The following SLC52A3 variants were observed in gnomAD, a reference collection of about 807,000 sequenced individuals.
SLC52A3 encodes solute carrier family 52, riboflavin transporter, member 3.
A neutral mutation model predicts 29.5 loss-of-function variants in SLC52A3; 20 were observed. The observed-to-expected ratio is 0.68, with a 90% confidence interval of 0.48 to 0.99. The LOEUF is 0.99. Ranked by LOEUF, SLC52A3 falls within the 50% of genes least tolerant of loss-of-function variation. The pLI is 0.00. For synonymous variants in SLC52A3, 301 were observed against 271.0 expected, an observed-to-expected ratio of 1.11 and a Z score of -1.09; for missense variants, 548 against 612.9, an observed-to-expected ratio of 0.89 and a Z score of 1.12.
upstream of SLC52A3, among the ~76,000 whole-genome samples, chr20:777,508 C>T (rs1987094014): frequency 6.6e-6 from 1 of 152,144 alleles, no homozygotes; most frequent in Admixed American, 6.5e-5. Flanking sequence ...AGTGCAGGGC[C>T]AGGATGTGAA....
In SLC52A3 at chr20:760,210, G is replaced by C. The variant is rs1234212892; in HGVS notation, c.*816C>G. 1 of 152,150 alleles carries C rather than the reference G, an allele frequency of 6.6e-6. No homozygotes were observed. The highest frequency in any genetic ancestry group is 1.9e-4 in the East Asian group (1 of 5,186). The allele number at this position is 152,150 out of a possible 1,614,324, so 9.4% of individuals were successfully genotyped here. On this transcript the variant is annotated 3_prime_UTR_variant, in exon 5 of 5. Coordinates refer to ENST00000645534, the MANE Select transcript of SLC52A3 (RefSeq NM_033409.4). The surrounding 1 kb of genome is among the most constrained non-coding windows in gnomAD (Gnocchi z 4.9). Reference sequence around the variant, plus strand: ...GCATGTCTGGTCCCCAACCTGGTCGGGGAGTTCACTTTCAGAGGCTCAGGG... The same window carrying C: ...GCATGTCTGGTCCCCAACCTGGTCGCGGAGTTCACTTTCAGAGGCTCAGGG...
At chr20:778,339 G>C (rs636042), upstream of SLC52A3, among the ~76,000 whole-genome samples, 142,556 of 152,172 alleles carry the variant, frequency 0.94, 67,001 homozygotes, top group Non-Finnish European at 0.98. Flanking sequence ...ATCTGCACAG[G>C]AAGACAACCA....
rs562223377 is a variant in SLC52A3 at position 767,557 on chromosome 20, G to A, written c.-52+740C>T. On this transcript the variant is annotated intron_variant, in intron 1 of 4. Coordinates refer to ENST00000645534, the MANE Select transcript of SLC52A3 (RefSeq NM_033409.4). ...TTTTTATTAGAGATGGGGTTTCTCC[G>A]TGTTAGCCAGGATGGTCTCAATCTC... is the stretch of plus-strand genomic sequence containing the variant. 3.9e-5 allele frequency among the ~76,000 whole-genome samples: 6 copies of A among 152,082 alleles called. 1 individual carries two copies. The South Asian group carries it at 8.3e-4, about 21-fold the overall frequency.
In SLC52A3 at chr20:760,263, A is replaced by T. The variant is rs1260981362; in HGVS notation, c.*763T>A. 6.6e-6 allele frequency: 1 copy of T among 152,084 alleles called. No homozygotes were observed. The highest frequency in any genetic ancestry group is 1.5e-5 in the Non-Finnish European group (1 of 68,076). 9.4% of individuals were successfully genotyped at this position (152,084 alleles called of 1,614,324 possible). On this transcript the variant is annotated 3_prime_UTR_variant, in exon 5 of 5. Transcript: ENST00000645534. The surrounding 1 kb of genome is among the most constrained non-coding windows in gnomAD (Gnocchi z 4.9). The stretch of plus-strand genomic sequence containing the variant: ...GGGCCTTCCCCAGCCCCACCAGCAA[A>T]TCATCTCTCCCGGCTTCCAGGAGGG...
At chr20:776,725 AG>A (rs1987043392), upstream of SLC52A3, among the ~76,000 whole-genome samples, 1 of 151,904 alleles carries the variant, frequency 6.6e-6, no homozygotes, top group African/African-American at 2.4e-5. Flanking sequence ...CTTGTAGGTG[AG>A]GGGTTTTTCA....
rs576425433 is a variant in SLC52A3 at position 774,995 on chromosome 20, G to A, written c.-238+960C>T. ...AGCCTTTCTGGGCTCAGCAGACCAG[G>A]AAAAAGGGAATGAGATAACAGGCGC... On this transcript the variant is annotated intron_variant, in intron 1 of 5. Coordinates refer to the SLC52A3 transcript ENST00000217254. Among the ~76,000 whole-genome samples the A allele has an allele frequency of 1.3e-4, 20 of 152,312 alleles. No individual in the cohort carries two copies. In the South Asian group the frequency reaches 3.7e-3, roughly 28 times the overall value.
upstream of SLC52A3, among the ~76,000 whole-genome samples, chr20:779,969 A>G (rs541869403): frequency 2.6e-5 from 4 of 152,296 alleles, no homozygotes; most frequent in African/African-American, 9.6e-5. Context: ...TTGCAAGATA[A>G]CCTAGGGTTC....
chr20:775,584 C>A (rs886186574), intron 1 of SLC52A3, among the ~76,000 whole-genome samples: 1 of 152,152 alleles, frequency 6.6e-6, no homozygotes, highest in South Asian at 2.1e-4. Flanking sequence ...CCAGCATGGG[C>A]CCAGCCTTTT....
At chr20:774,807 A>G (rs1986962185) in intron 1 of SLC52A3, among the ~76,000 whole-genome samples, 1 of 152,170 alleles carries the variant, frequency 6.6e-6, no homozygotes, top group South Asian at 2.1e-4. Context: ...GGGGAAACCA[A>G]GGCCCAGAGA....
At chr20:778,013 CTTTT>C (rs71191974), upstream of SLC52A3, among the ~76,000 whole-genome samples, 1 of 134,342 alleles carries the variant, frequency 7.4e-6, no homozygotes, top group African/African-American at 2.7e-5. Context: ...TAGAGACTTT[CTTTT>C]TTTTTTTTTT....
At chr20:774,746 C>T (rs1986960140) in intron 1 of SLC52A3, among the ~76,000 whole-genome samples, 1 of 152,188 alleles carries the variant, frequency 6.6e-6, no homozygotes, top group South Asian at 2.1e-4. Flanking sequence ...TTGCTGGGAC[C>T]TCAGAGTTCC....
upstream of SLC52A3, among the ~76,000 whole-genome samples, chr20:777,267 A>AC (rs1555785018): frequency 2.5e-5 from 1 of 39,766 alleles, no homozygotes; most frequent in South Asian, 8.4e-4. Context: ...CAAACAAACA[A>AC]AAAACAAAAA....
chr20:769,351 C>T (rs1250117792), upstream of SLC52A3, among the ~76,000 whole-genome samples: 1 of 152,172 alleles, frequency 6.6e-6, no homozygotes, highest in East Asian at 1.9e-4. Flanking sequence ...CTCTCCCCTG[C>T]GGTAACATCT....
intron 1 of SLC52A3, among the ~76,000 whole-genome samples, chr20:775,370 G>A (rs1188000086): frequency 1.3e-5 from 2 of 151,388 alleles, no homozygotes; most frequent in Non-Finnish European, 2.9e-5. Flanking sequence ...AACCTTCCTG[G>A]CTCATGCGAT....
At chr20:761,924 G>C in intron 3 of SLC52A3, 100 bp from the exon 4 acceptor site, 1 of 1,560,594 alleles carries the variant, frequency 6.4e-7, no homozygotes, top group Non-Finnish European at 8.8e-7. Flanking sequence ...TCCATAGTTA[G>C]TTTAGACCCA....
chr20:760,840 G>C lies in SLC52A3; in HGVS notation c.*186C>G. 1.6e-6 allele frequency: 1 copy of C among 620,556 alleles called. No homozygotes were observed. The highest frequency in any genetic ancestry group is 2.8e-6 in the Non-Finnish European group (1 of 352,452). The allele number at this position is 620,556 out of a possible 1,614,324, so 38.4% of individuals were successfully genotyped here. A position where few individuals can be genotyped will look rare whatever the true frequency, so the allele number is the denominator to read the frequency against. ...TGGTCGTCACAGGTAGTGTGACACA[G>C]AGTTGGGGATAGAGCCGCACCTTGC... On this transcript the variant is annotated 3_prime_UTR_variant, in exon 5 of 5. Coordinates refer to ENST00000645534, the MANE Select transcript of SLC52A3 (RefSeq NM_033409.4). This position sits in a 1 kb window ranked among gnomAD's most constrained non-coding sequence, Gnocchi z 4.9.
In SLC52A3 at chr20:763,773, C is replaced by T; in HGVS notation, c.798G>A (p.Arg266=). 3 of 1,614,132 alleles carry T rather than the reference C, an allele frequency of 1.9e-6. No homozygotes were observed. Among genetic ancestry groups the T allele is most frequent in the Non-Finnish European group, 2.5e-6 (3 of 1,179,998 alleles). The change falls in exon 3 of 5, where the codon CGG becomes CGA. Residue 266 remains arginine (R), a synonymous_variant. Transcript: ENST00000645534. ...GGCCCAAGTCATTCTCTTCCCGCGGCCGGATGGAGTGGAGGGTGACCTGGT... is the reference window on the plus strand; with the variant it reads ...GGCCCAAGTCATTCTCTTCCCGCGGTCGGATGGAGTGGAGGGTGACCTGGT... The part of the protein sequence containing the change: ...LNDQVTLHSI[R]PREENDLGPA...
At position 765,297 on chromosome 20, in the gene SLC52A3, C is replaced by T. The variant is rs199778195; in HGVS notation, c.478G>A (p.Gly160Ser). The T allele has an allele frequency of 5.0e-6, 8 of 1,614,114 alleles. No individual in the cohort carries two copies. In the Admixed American group the frequency reaches 8.3e-5, roughly 17 times the overall value. ...TTGACGCAGGTAGTGAGACCGGAGC[C>T]CTGGGCAAGAGCCACCAGGGCGGGC... is the stretch of plus-strand genomic sequence containing the variant. The part of the protein sequence containing the change: ...LLPALVALAQ[G>S]SGLTTCVNVT... Residue 160 changes from glycine (G) to serine (S), a missense_variant, in exon 2 of 5, where the codon GGC becomes AGC. This residue lies in a region of SLC52A3 where 375 missense variants were observed against 471.1 expected (regional missense o/e 0.80). Coordinates refer to ENST00000645534, the MANE Select transcript of SLC52A3 (RefSeq NM_033409.4). The surrounding 1 kb of genome is among the most constrained non-coding windows in gnomAD (Gnocchi z 6.6).
At chr20:770,930 G>A (rs1191083618), upstream of SLC52A3, among the ~76,000 whole-genome samples, 1 of 152,166 alleles carries the variant, frequency 6.6e-6, no homozygotes, top group Non-Finnish European at 1.5e-5. The surrounding 1 kb of genome is among the most constrained non-coding windows in gnomAD (Gnocchi z 4.5). Context: ...CAGAACTCCA[G>A]CAACGATTTT....
Sources: gnomAD v4.1 joint callset for allele counts (sites outside exome capture counted in the v4.1 genomes callset) on GRCh38, gnomAD v4.1.1 for gene constraint, gnomAD v4.1.1 regional missense constraint, Gnocchi (gnomAD v3.1) non-coding constraint, MANE v1.5 for transcripts, NCBI Gene and HGNC (gene_info 2026-07-23, HGNC 2026-07-21) for gene names.